TPD52: variants seen among roughly 807,000 people sequenced by gnomAD.
TPD52 encodes prostate and colon associated protein.
TPD52 carries 17 observed loss-of-function variants against 31.3 expected under a neutral mutation model. The observed-to-expected ratio is 0.54, with a 90% CI of 0.37 to 0.82. The LOEUF is 0.82. Among genes scored for constraint, TPD52 ranks in the 40% least tolerant of loss-of-function variants. The pLI is 0.00. For synonymous variants in TPD52, 83 were observed against 89.6 expected (o/e 0.93, Z 0.42); for missense variants, 212 against 240.1 (o/e 0.88, Z 0.77).
chr8:80,118,302 A>G (rs1407900360), intron 1 of TPD52, among the ~76,000 whole-genome samples: 1 of 152,202 alleles, frequency 6.6e-6, no homozygotes, highest in Non-Finnish European at 1.5e-5. Flanking sequence ...TACACTTAGA[A>G]TCAAAGACCT....
chr8:80,081,211 A>G (rs1815251066), intron 1 of TPD52, among the ~76,000 whole-genome samples: 5 of 149,562 alleles, frequency 3.3e-5, no homozygotes, highest in Admixed American at 3.3e-4. Flanking sequence ...CATGCACTCA[A>G]AGGAGAAGAA....
chr8:80,161,733 T>TATATA (rs1491187742), intron 1 of TPD52, among the ~76,000 whole-genome samples: 164 of 28,780 alleles, frequency 5.7e-3, no homozygotes, highest in African/African-American at 0.027. Flanking sequence ...TATATATATA[T>TATATA]TTTTTTTTTT....
intron 1 of TPD52, among the ~76,000 whole-genome samples, chr8:80,070,789 T>C (rs1813687740): frequency 6.6e-6 from 1 of 152,178 alleles, no homozygotes; most frequent in Admixed American, 6.5e-5. Context: ...TGAAATTAGA[T>C]GGTGTTGTGA....
chr8:80,167,667 T>C (rs1811805118), intron 1 of TPD52, among the ~76,000 whole-genome samples: 1 of 152,246 alleles, frequency 6.6e-6, no homozygotes, highest in African/African-American at 2.4e-5. Flanking sequence ...AAATAAATGA[T>C]ACCCCACATT....
chr8:80,161,607 G>A (rs1239125495), intron 1 of TPD52, among the ~76,000 whole-genome samples: 1 of 151,764 alleles, frequency 6.6e-6, no homozygotes, highest in Non-Finnish European at 1.5e-5. Context: ...TGGACCATAA[G>A]CTCCTTTTCC....
intron 1 of TPD52, among the ~76,000 whole-genome samples, chr8:80,068,773 G>T (rs1343699207): frequency 6.6e-6 from 1 of 152,110 alleles, no homozygotes; most frequent in Admixed American, 6.5e-5. Context: ...GTGTCTCAGG[G>T]GTAAGGATGG....
rs1030522311 is a variant in TPD52, at chr8:80,044,193, C to T, written c.429G>A (p.Gln143=). 13 of 1,585,172 alleles carry T rather than the reference C, an allele frequency of 8.2e-6. No homozygotes were observed. The highest frequency in any genetic ancestry group is 1.2e-5 in the South Asian group (1 of 85,650). Residue 143 remains glutamine (Q), a synonymous_variant, in exon 6 of 8, where the codon CAG becomes CAA. Transcript: ENST00000518937. ...FSHSFSIRSI[Q]HSISMPAMRN... ...TCATAGCAGGCATGCTAATTGAATG[C>T]TGAATGGAACGTATACTAAGAGGCA...
At chr8:80,091,284 C>T (rs1044698917) in intron 1 of TPD52, among the ~76,000 whole-genome samples, 7 of 152,056 alleles carry the variant, frequency 4.6e-5, no homozygotes, top group Non-Finnish European at 7.4e-5. Context: ...TTGGCTAACA[C>T]GGTGAAACCC....
rs372471889 is a variant in TPD52, at chr8:80,061,628, G to A, written c.135+2850C>T. 6.6e-5 allele frequency among the ~76,000 whole-genome samples: 10 copies of A among 152,182 alleles called. No individual in the cohort carries two copies. In the East Asian group the frequency reaches 7.7e-4, roughly 12 times the overall value. ...TGAGCTGGGAGGTCAAGGCTGCCCC[G>A]AGCCATGATCACATCACTGCACTCT... On this transcript the variant is annotated intron_variant, in intron 2 of 7. Transcript: ENST00000518937.
chr8:80,059,948 G>A (rs1160064977), intron 2 of TPD52, among the ~76,000 whole-genome samples: 1 of 151,858 alleles, frequency 6.6e-6, no homozygotes, highest in Non-Finnish European at 1.5e-5. Context: ...AGGCGTGGTG[G>A]TGCACGCCTG....
At chr8:80,131,558 G>A (rs762830326) in intron 1 of TPD52, among the ~76,000 whole-genome samples, 2 of 152,186 alleles carry the variant, frequency 1.3e-5, no homozygotes, top group Non-Finnish European at 2.9e-5. Flanking sequence ...GGTGGAACCA[G>A]TTATGCCTGG....
chr8:80,113,371 T>C (rs527586194), intron 1 of TPD52, among the ~76,000 whole-genome samples: 1 of 152,158 alleles, frequency 6.6e-6, no homozygotes, highest in African/African-American at 2.4e-5. Flanking sequence ...GAAAACAGTG[T>C]GGAGGATTCT....
At chr8:80,103,284 A>C (rs894456260) in intron 1 of TPD52, among the ~76,000 whole-genome samples, 1 of 152,236 alleles carries the variant, frequency 6.6e-6, no homozygotes, top group Admixed American at 6.5e-5. Context: ...TGTAAACAGT[A>C]AACTGAAACT....
intron 1 of TPD52, among the ~76,000 whole-genome samples, chr8:80,167,011 ATTTTC>A (rs1434387621): frequency 1.3e-5 from 2 of 152,162 alleles, no homozygotes; most frequent in Admixed American, 6.6e-5. Flanking sequence ...ATTATGGGTA[ATTTTC>A]TTTTTTCTCC....
downstream of TPD52, chr8:80,032,591 A>C (rs1809721081): frequency 6.6e-6 from 1 of 152,326 alleles, no homozygotes; most frequent in Non-Finnish European, 1.5e-5. Flanking sequence ...TGCTAAGTTC[A>C]AGCCTAATAC....
chr8:80,151,526 G>A (rs1042309287), intron 1 of TPD52, among the ~76,000 whole-genome samples: 4 of 152,128 alleles, frequency 2.6e-5, no homozygotes, highest in Non-Finnish European at 1.5e-5. Context: ...CATGCTTACT[G>A]CCACATAATC....
chr8:80,168,251 T>C (rs574892618), intron 1 of TPD52, among the ~76,000 whole-genome samples: 11 of 152,304 alleles, frequency 7.2e-5, no homozygotes, highest in Admixed American at 3.3e-4. Context: ...GAAAACTCAG[T>C]GTTTATTTTA....
At chr8:80,171,109 T>G in intron 1 of TPD52, 2 of 656,864 alleles carry the variant, frequency 3.0e-6, no homozygotes, top group South Asian at 3.1e-5. Context: ...TCACGCGGCT[T>G]TCCACCCAAA....
chr8:80,057,193 G>A (rs1049438263), intron 2 of TPD52, among the ~76,000 whole-genome samples: 3 of 152,032 alleles, frequency 2.0e-5, no homozygotes, highest in African/African-American at 7.2e-5. Context: ...ACAATAAAAA[G>A]AAAACACACA....
Sources: gnomAD v4.1 joint callset for allele counts (sites outside exome capture counted in the v4.1 genomes callset) on GRCh38, gnomAD v4.1.1 for gene constraint, MANE v1.5 for transcripts, NCBI Gene and HGNC (gene_info 2026-07-23, HGNC 2026-07-21) for gene names.